The following LRRIQ1 variants were observed in gnomAD, a reference collection of about 807,000 sequenced individuals.
LRRIQ1 encodes the protein leucine rich repeats and IQ motif containing 1.
A neutral mutation model predicts 211.9 loss-of-function variants in LRRIQ1; 210 were observed. The ratio of observed to expected loss-of-function variants is 0.99; its 90% CI spans 0.89 to 1.11. LRRIQ1 has a LOEUF of 1.11. Ranked by LOEUF, LRRIQ1 falls within the 50% of genes most tolerant of loss-of-function variation. LRRIQ1 has a pLI of 0.00. For synonymous variants in LRRIQ1, 699 were observed against 650.1 expected (o/e 1.08, Z -1.14); for missense variants, 2,136 against 1,939.5 (o/e 1.10, Z -1.90).
downstream of LRRIQ1, among the ~76,000 whole-genome samples, chr12:85,268,311 T>C (rs1896464850): frequency 1.3e-5 from 2 of 151,928 alleles, no homozygotes; most frequent in African/African-American, 2.4e-5. Context: ...AAATTTCTAA[T>C]AGCATGTTAA....
intron 23 of LRRIQ1, among the ~76,000 whole-genome samples, chr12:85,155,936 G>T (rs535979490): frequency 6.6e-6 from 1 of 151,498 alleles, no homozygotes; most frequent in African/African-American, 2.4e-5. Flanking sequence ...TAATGGCCAC[G>T]ACTAGAGATA....
intron 24 of LRRIQ1, among the ~76,000 whole-genome samples, chr12:85,195,849 T>C: frequency 6.6e-6 from 1 of 152,014 alleles, no homozygotes; most frequent in East Asian, 1.9e-4. Context: ...GAGAAGGAAA[T>C]AGAGGGTATT....
chr12:85,050,495 T>C (rs1297144932), intron 6 of LRRIQ1, among the ~76,000 whole-genome samples: 1 of 152,230 alleles, frequency 6.6e-6, no homozygotes, highest in East Asian at 1.9e-4. Flanking sequence ...TCCCTGGAAT[T>C]CTTAATTTTG....
At chr12:85,243,366 AGG>A (rs1895559821) in intron 26 of LRRIQ1, among the ~76,000 whole-genome samples, 2 of 146,960 alleles carry the variant, frequency 1.4e-5, no homozygotes, top group Admixed American at 6.9e-5. Context: ...TTTAAGTTTT[AGG>A]GTACCTGTGC....
intron 24 of LRRIQ1, among the ~76,000 whole-genome samples, chr12:85,196,295 A>G (rs1892908333): frequency 6.6e-6 from 1 of 152,126 alleles, no homozygotes; most frequent in Admixed American, 6.6e-5. Context: ...CAAGCTACCA[A>G]TGACTTTCTT....
At chr12:85,066,940 A>G (rs777396684) in intron 10 of LRRIQ1, 42 bp downstream of exon 10, 1 of 1,146,454 alleles carries the variant, frequency 8.7e-7, no homozygotes, top group Non-Finnish European at 1.2e-6. Flanking sequence ...TATATTTCTC[A>G]TAATTTATTG....
intron 6 of LRRIQ1, among the ~76,000 whole-genome samples, chr12:85,051,258 C>T (rs1880279061): frequency 6.6e-6 from 1 of 152,040 alleles, no homozygotes; most frequent in Non-Finnish European, 1.5e-5. Context: ...TAAAAGCATC[C>T]TCAGGCCTCA....
At chr12:85,182,461 A>C (rs1055091048) in intron 24 of LRRIQ1, among the ~76,000 whole-genome samples, 6 of 152,186 alleles carry the variant, frequency 3.9e-5, no homozygotes, top group African/African-American at 1.4e-4. Flanking sequence ...GGCTTATGGA[A>C]ATAGTAACTG....
rs372586865 is a variant in LRRIQ1 at position 85,139,415 on chromosome 12, G to A, written c.4329+1446G>A. Among the ~76,000 whole-genome samples the A allele has an allele frequency of 1.4e-3, 218 of 151,536 alleles. 5 individuals are homozygous for A. The South Asian group carries it at 0.045, about 31-fold the overall frequency. On this transcript the variant is annotated intron_variant, in intron 19 of 26. Coordinates refer to ENST00000393217, the MANE Select transcript of LRRIQ1 (RefSeq NM_001079910.2). ...TTATTTCTGGTAACTTTAATGTGTT[G>A]ATAGGAAAATGAAATGGAAGTAATA... is the stretch of plus-strand genomic sequence containing the variant.
intron 7 of LRRIQ1, among the ~76,000 whole-genome samples, chr12:85,054,260 T>A (rs1424095126): frequency 6.6e-6 from 1 of 151,964 alleles, no homozygotes; most frequent in African/African-American, 2.4e-5. Context: ...ACAAAGAAAA[T>A]CACACCTTGG....
chr12:85,088,338 G>A lies in LRRIQ1; in HGVS notation c.2888-10017G>A, dbSNP rs147257671. Among the ~76,000 whole-genome samples the A allele has an allele frequency of 7.6e-3, 1,154 of 152,252 alleles. 19 individuals carry two copies. The highest frequency in any genetic ancestry group is 0.026 in the African/African-American group (1,086 of 41,532). On this transcript the variant is annotated intron_variant, in intron 11 of 26. Transcript: ENST00000393217. Reference sequence around the variant, plus strand: ...TTTGGTACCAGTACCATGCTGTTGTGGTTACTGTAGGCTTGTGATGTAGTT... The same window carrying A: ...TTTGGTACCAGTACCATGCTGTTGTAGTTACTGTAGGCTTGTGATGTAGTT...
downstream of LRRIQ1, among the ~76,000 whole-genome samples, chr12:85,248,015 A>G (rs1895782215): frequency 6.6e-6 from 1 of 151,722 alleles, no homozygotes; most frequent in Non-Finnish European, 1.5e-5. Context: ...ATTATCATTT[A>G]TAAAATGGAC....
chr12:85,261,765 T>TTTTTTTTATTTA (rs1555231833), intron 1 of LRRIQ1, among the ~76,000 whole-genome samples: 1 of 139,608 alleles, frequency 7.2e-6, no homozygotes, highest in Non-Finnish European at 1.5e-5. Context: ...TTTTTGTTTA[T>TTTTTTTTATTTA]TTTATTTATT....
At chr12:85,096,396 T>C (rs1193950513) in intron 11 of LRRIQ1, among the ~76,000 whole-genome samples, 1 of 152,204 alleles carries the variant, frequency 6.6e-6, no homozygotes, top group Non-Finnish European at 1.5e-5. Flanking sequence ...ATTTGTAAAT[T>C]TCTGCCTTAA....
At chr12:85,227,940 A>G (rs1353782387) in intron 24 of LRRIQ1, among the ~76,000 whole-genome samples, 1 of 152,242 alleles carries the variant, frequency 6.6e-6, no homozygotes, top group African/African-American at 2.4e-5. Context: ...CCTATTTAAT[A>G]AATGATGCTG....
chr12:85,062,609 C>T (rs1029916535), intron 8 of LRRIQ1, among the ~76,000 whole-genome samples: 1 of 150,990 alleles, frequency 6.6e-6, no homozygotes, highest in African/African-American at 2.4e-5. Context: ...TGTTGATGAG[C>T]ATCTGGGTTG....
chr12:85,099,249 C>G (rs1886157195), intron 13 of LRRIQ1, among the ~76,000 whole-genome samples: 1 of 151,738 alleles, frequency 6.6e-6, no homozygotes, highest in African/African-American at 2.4e-5. Flanking sequence ...CAAAGATGCA[C>G]TTGTATAAAT....
intron 1 of LRRIQ1, among the ~76,000 whole-genome samples, chr12:85,250,967 T>C (rs1565929039): frequency 8.5e-6 from 1 of 117,540 alleles, no homozygotes; most frequent in Non-Finnish European, 1.7e-5. Context: ...ATATATTATA[T>C]TATATATATT....
intron 1 of LRRIQ1, among the ~76,000 whole-genome samples, chr12:85,255,136 A>G (rs1896052983): frequency 6.6e-6 from 1 of 151,890 alleles, no homozygotes; most frequent in Non-Finnish European, 1.5e-5. Context: ...GAGCAAATGG[A>G]TAATGAGGAA....
Sources: allele counts gnomAD v4.1 joint callset (sites outside exome capture counted in the v4.1 genomes callset), GRCh38; gene constraint gnomAD v4.1.1; transcripts MANE v1.5; gene names NCBI Gene and HGNC (gene_info 2026-07-23, HGNC 2026-07-21).